CSMD1: variants seen among roughly 807,000 people sequenced by gnomAD.
CSMD1 encodes the protein CUB and sushi domain-containing protein 1.
CSMD1 carries 213 observed loss-of-function variants against 417.5 expected under a neutral mutation model. That is an observed-to-expected ratio of 0.51 (90% confidence interval 0.46 to 0.57). CSMD1 has a LOEUF of 0.57. Ranked by LOEUF, CSMD1 falls within the 20% of genes least tolerant of loss-of-function variation. CSMD1 has a pLI of 0.00. For missense variants in CSMD1, 6,923 were observed against 4,529.7 expected (o/e 1.53, Z -15.17); for synonymous variants, 2,862 against 1,736.8 (o/e 1.65, Z -16.11).
chr8:4,502,473 A>G (rs747164802), intron 2 of CSMD1, among the ~76,000 whole-genome samples: 10 of 152,136 alleles, frequency 6.6e-5, no homozygotes, highest in Non-Finnish European at 8.8e-5. Flanking sequence ...TTCTCCAACA[A>G]CAGTCATTAC....
intron 3 of CSMD1, among the ~76,000 whole-genome samples, chr8:4,398,654 C>T (rs1475619691): frequency 1.3e-5 from 2 of 152,102 alleles, no homozygotes; most frequent in Admixed American, 6.5e-5. Context: ...CTTGGCCTCC[C>T]AAAGTGCTGG....
In CSMD1 at chr8:3,005,357, G is replaced by A. The variant is rs548618881; in HGVS notation, c.8030-5226C>T. ...GCTTTGTTACTCCAAGGAGGAACTG[G>A]TACCATTCCTTCTGAAACTATTCCA... On this transcript the variant is annotated intron_variant, in intron 52 of 69. Coordinates refer to ENST00000635120, the MANE Select transcript of CSMD1 (RefSeq NM_033225.6). Among the ~76,000 whole-genome samples the A allele has an allele frequency of 2.4e-4, 37 of 152,236 alleles. No homozygotes were observed. In the East Asian group the frequency reaches 7.0e-3, roughly 29 times the overall value.
intron 51 of CSMD1, among the ~76,000 whole-genome samples, chr8:3,023,904 T>G (rs1809646981): frequency 6.7e-6 from 1 of 149,930 alleles, no homozygotes; most frequent in East Asian, 2.0e-4. Flanking sequence ...CACCAATGAC[T>G]CGGGTGATGC....
At chr8:3,105,846 TA>T (rs1204584315) in intron 46 of CSMD1, among the ~76,000 whole-genome samples, 1 of 152,226 alleles carries the variant, frequency 6.6e-6, no homozygotes, top group Non-Finnish European at 1.5e-5. Flanking sequence ...AGGCATGTGA[TA>T]AAGGAAATAC....
chr8:4,529,048 T>A (rs10104252), intron 2 of CSMD1, among the ~76,000 whole-genome samples: 5,880 of 152,144 alleles, frequency 0.039, 339 homozygotes, highest in African/African-American at 0.13. Context: ...GGTGTTTTTT[T>A]AAAAAATGAT....
intron 17 of CSMD1, among the ~76,000 whole-genome samples, chr8:3,394,012 T>TAAATTTTATA (rs1554536992): frequency 0.024 from 730 of 30,794 alleles, 3 homozygotes; most frequent in Non-Finnish European, 0.026. Context: ...AAAAAATAAA[T>TAAATTTTATA]TATATATATA....
At chr8:3,401,889 AG>A (rs1812060128) in intron 15 of CSMD1, among the ~76,000 whole-genome samples, 3 of 152,128 alleles carry the variant, frequency 2.0e-5, no homozygotes, top group African/African-American at 7.2e-5. Context: ...ATACTCACTT[AG>A]CTGATAACAA....
At chr8:4,438,924 T>C (rs914909820) in intron 2 of CSMD1, among the ~76,000 whole-genome samples, 10 of 152,224 alleles carry the variant, frequency 6.6e-5, no homozygotes, top group African/African-American at 2.4e-4. Context: ...TAAGTAACAA[T>C]ATATGGTGTA....
intron 5 of CSMD1, among the ~76,000 whole-genome samples, chr8:3,980,668 G>A (rs1813789415): frequency 2.0e-5 from 3 of 152,084 alleles, no homozygotes. Context: ...ATATACAAGG[G>A]TTTCTGCCTA....
intron 2 of CSMD1, among the ~76,000 whole-genome samples, chr8:4,563,799 A>G (rs150903069): frequency 1.6e-4 from 24 of 152,134 alleles, no homozygotes; most frequent in Non-Finnish European, 1.8e-4. Flanking sequence ...TCTGTCCCCA[A>G]TGTGTGGCCC....
intron 3 of CSMD1, among the ~76,000 whole-genome samples, chr8:4,336,600 A>G (rs1178604886): frequency 1.3e-5 from 2 of 152,172 alleles, no homozygotes; most frequent in African/African-American, 2.4e-5. Flanking sequence ...TTTTACACAC[A>G]CAAAGTGCAT....
intron 39 of CSMD1, among the ~76,000 whole-genome samples, chr8:3,155,820 A>C (rs1270960106): frequency 6.6e-6 from 1 of 152,328 alleles, no homozygotes; most frequent in East Asian, 1.9e-4. Flanking sequence ...GATGTAGTGA[A>C]CATAACATAA....
At chr8:4,323,196 C>T (rs542578951) in intron 3 of CSMD1, among the ~76,000 whole-genome samples, 3 of 152,296 alleles carry the variant, frequency 2.0e-5, no homozygotes, top group Non-Finnish European at 4.4e-5. Flanking sequence ...CAGTTCTAAA[C>T]TCCTATGCAG....
chr8:3,536,330 G>A (rs1798197785), intron 10 of CSMD1, among the ~76,000 whole-genome samples: 1 of 152,174 alleles, frequency 6.6e-6, no homozygotes, highest in Non-Finnish European at 1.5e-5. Context: ...GGCAGCCTGT[G>A]GCTTCAATTA....
chr8:3,904,818 G>A (rs145947200), intron 5 of CSMD1, among the ~76,000 whole-genome samples: 16 of 151,944 alleles, frequency 1.1e-4, no homozygotes, highest in South Asian at 4.2e-4. Context: ...TGTATTTTTA[G>A]TAAAGATGGG....
intron 4 of CSMD1, among the ~76,000 whole-genome samples, chr8:4,009,779 G>C (rs908411975): frequency 3.9e-5 from 6 of 152,162 alleles, no homozygotes; most frequent in East Asian, 1.9e-4. Flanking sequence ...GGAACCCAGA[G>C]ACATGGACCA....
chr8:4,226,389 C>G lies in CSMD1; in HGVS notation c.415+193564G>C, dbSNP rs182778142. ...ATTTTGCATATACAATTACAACCCT[C>G]TCTGAAAAGATGCAGAAATAAAACA... On this transcript the variant is annotated intron_variant, in intron 3 of 69. Coordinates refer to ENST00000635120, the MANE Select transcript of CSMD1 (RefSeq NM_033225.6). Among the ~76,000 whole-genome samples the G allele has an allele frequency of 2.6e-3, 389 of 152,290 alleles. 4 individuals are homozygous for G. Among genetic ancestry groups the G allele is most frequent in the African/African-American group, 8.8e-3 (366 of 41,550 alleles).
chr8:3,806,624 G>A (rs74977414), intron 5 of CSMD1, among the ~76,000 whole-genome samples: 3 of 152,254 alleles, frequency 2.0e-5, no homozygotes, highest in African/African-American at 7.2e-5. Context: ...AATAATCAAT[G>A]TAAGTCAGCT....
intron 8 of CSMD1, among the ~76,000 whole-genome samples, chr8:3,612,478 C>T (rs769376830): frequency 1.3e-5 from 2 of 152,120 alleles, no homozygotes; most frequent in Non-Finnish European, 2.9e-5. Context: ...TTATGGAACA[C>T]TTCACCCAAC....
Sources: allele counts gnomAD v4.1 joint callset (sites outside exome capture counted in the v4.1 genomes callset), GRCh38; gene constraint gnomAD v4.1.1; transcripts MANE v1.5; gene names NCBI Gene and HGNC (gene_info 2026-07-23, HGNC 2026-07-21).